The following PDE1C variants were observed in gnomAD, a reference collection of about 807,000 sequenced individuals.
PDE1C encodes dual specificity calcium/calmodulin-dependent 3',5'-cyclic nucleotide phosphodiesterase 1C.
Under a neutral mutation model 93.1 loss-of-function variants are expected in PDE1C, and 62 were observed. That is an observed-to-expected ratio of 0.67 (90% CI 0.54 to 0.82). PDE1C has a LOEUF of 0.82. PDE1C is among the 40% of genes least tolerant of loss of function. PDE1C has a pLI of 0.00. For missense variants in PDE1C, 742 were observed against 884.6 expected (o/e 0.84, Z 2.04); for synonymous variants, 325 against 310.1 (o/e 1.05, Z -0.50).
chr7:32,001,488 G>C (rs1050578276), intron 2 of PDE1C, among the ~76,000 whole-genome samples: 1 of 152,024 alleles, frequency 6.6e-6, no homozygotes. Flanking sequence ...GTGAGGCTGT[G>C]AGCTCCATGA....
chr7:32,280,910 A>G (rs1811587540), intron 1 of PDE1C, among the ~76,000 whole-genome samples: 2 of 152,166 alleles, frequency 1.3e-5, no homozygotes, highest in South Asian at 4.1e-4. Context: ...ACTAGAACCA[A>G]GAAGTTTGAG....
At chr7:31,828,840 C>T (rs1004506190) in intron 11 of PDE1C, among the ~76,000 whole-genome samples, 20 of 152,168 alleles carry the variant, frequency 1.3e-4, no homozygotes, top group African/African-American at 4.1e-4. Flanking sequence ...TAAAGCCACA[C>T]ACACTTGGAG....
chr7:32,203,381 G>A (rs924904773), intron 2 of PDE1C, among the ~76,000 whole-genome samples: 4 of 151,990 alleles, frequency 2.6e-5, no homozygotes, highest in African/African-American at 9.7e-5. Flanking sequence ...TCCATACATG[G>A]CATCACCATG....
chr7:32,117,962 C>T (rs1799076914), intron 3 of PDE1C, among the ~76,000 whole-genome samples: 1 of 152,094 alleles, frequency 6.6e-6, no homozygotes, highest in Admixed American at 6.5e-5. Flanking sequence ...TTTCTGTTAC[C>T]CTAAAGGAAG....
At chr7:31,896,871 T>C (rs143958023) in intron 2 of PDE1C, among the ~76,000 whole-genome samples, 27 of 152,360 alleles carry the variant, frequency 1.8e-4, no homozygotes, top group Non-Finnish European at 3.2e-4. Context: ...GACCTTGTTA[T>C]GGTTTGAATT....
intron 16 of PDE1C, among the ~76,000 whole-genome samples, chr7:31,796,538 G>A (rs912314432): frequency 1.3e-5 from 2 of 151,646 alleles, no homozygotes; most frequent in Admixed American, 6.6e-5. Context: ...TACCAAAAGC[G>A]CTAACTGTTC....
At chr7:32,421,762 A>G (rs1163066265) in intron 1 of PDE1C, among the ~76,000 whole-genome samples, 1 of 152,164 alleles carries the variant, frequency 6.6e-6, no homozygotes, top group African/African-American at 2.4e-5. Flanking sequence ...CATCTGCCCC[A>G]TCTACCTCAG....
intron 1 of PDE1C, among the ~76,000 whole-genome samples, chr7:32,362,165 G>A (rs1021723974): frequency 6.6e-6 from 1 of 152,190 alleles, no homozygotes; most frequent in African/African-American, 2.4e-5. Context: ...CAGATGGAGA[G>A]AAGAAAGATG....
chr7:31,687,552 T>C, the PDE1C span, among the ~76,000 whole-genome samples: 2 of 152,192 alleles, frequency 1.3e-5, no homozygotes, highest in Admixed American at 1.3e-4. Context: ...CAAGATGAAG[T>C]TGGTGTATCT....
chr7:32,007,377 C>T (rs1258865393), intron 2 of PDE1C, among the ~76,000 whole-genome samples: 5 of 152,206 alleles, frequency 3.3e-5, no homozygotes, highest in Non-Finnish European at 5.9e-5. Flanking sequence ...AAAGCTTCAG[C>T]CCACTGACTT....
intron 2 of PDE1C, among the ~76,000 whole-genome samples, chr7:31,983,063 C>T (rs1220231738): frequency 6.6e-6 from 1 of 152,198 alleles, no homozygotes; most frequent in Non-Finnish European, 1.5e-5. Context: ...TCATGTCATA[C>T]TGACATGTAC....
intron 12 of PDE1C, 73 bp downstream of exon 12, chr7:31,828,219 C>T: frequency 8.2e-7 from 1 of 1,219,826 alleles, no homozygotes; most frequent in Non-Finnish European, 1.2e-6. Context: ...CAAAGAACCA[C>T]TGGGATCATC....
At chr7:31,993,113 C>A (rs529131851) in intron 2 of PDE1C, among the ~76,000 whole-genome samples, 1 of 152,292 alleles carries the variant, frequency 6.6e-6, no homozygotes, top group East Asian at 1.9e-4. Flanking sequence ...TACATCCCAA[C>A]ATGTACTGTT....
chr7:32,251,001 C>T (rs1285656258), intron 1 of PDE1C, among the ~76,000 whole-genome samples: 2 of 152,216 alleles, frequency 1.3e-5, no homozygotes, highest in South Asian at 4.1e-4. Context: ...AAGTCAGGAG[C>T]TCTAGTGAAG....
chr7:32,196,633 A>G (rs563202549), intron 2 of PDE1C, among the ~76,000 whole-genome samples: 1 of 152,282 alleles, frequency 6.6e-6, no homozygotes, highest in South Asian at 2.1e-4. Context: ...TTATCTTCCT[A>G]GAATGTGTGT....
chr7:32,198,408 A>C (rs1274620436), intron 2 of PDE1C, among the ~76,000 whole-genome samples: 1 of 152,240 alleles, frequency 6.6e-6, no homozygotes, highest in Non-Finnish European at 1.5e-5. Context: ...ATTCCGGTAG[A>C]TTAAATGAAA....
At chr7:32,133,127 G>C (rs1010572461) in intron 3 of PDE1C, among the ~76,000 whole-genome samples, 9 of 152,098 alleles carry the variant, frequency 5.9e-5, no homozygotes, top group Non-Finnish European at 1.3e-4. Flanking sequence ...GGGTGAGGGT[G>C]CAGGTGGGAT....
chr7:32,192,765 A>G (rs1011120973), intron 2 of PDE1C, among the ~76,000 whole-genome samples: 4 of 152,166 alleles, frequency 2.6e-5, no homozygotes, highest in Non-Finnish European at 5.9e-5. Flanking sequence ...GCATATAATT[A>G]TAGGGAGAAC....
intron 1 of PDE1C, among the ~76,000 whole-genome samples, chr7:32,068,325 A>C (rs1399170714): frequency 6.6e-6 from 1 of 152,152 alleles, no homozygotes; most frequent in Non-Finnish European, 1.5e-5. Context: ...ATGTTATTCC[A>C]AGTTGTATAA....
Sources: gnomAD v4.1 joint callset for allele counts (sites outside exome capture counted in the v4.1 genomes callset) on GRCh38, gnomAD v4.1.1 for gene constraint, MANE v1.5 for transcripts, NCBI Gene and HGNC (gene_info 2026-07-23, HGNC 2026-07-21) for gene names.